RIOX2: variants seen among roughly 807,000 people sequenced by gnomAD.
RIOX2 encodes ribosomal oxygenase 2, also known as 60S ribosomal protein L27a histidine hydroxylase.
In RIOX2, 43 loss-of-function variants were observed where a neutral mutation model predicts 51.2. The ratio of observed to expected loss-of-function variants is 0.84; its 90% CI spans 0.66 to 1.08. RIOX2 has a LOEUF of 1.08. Ranked by LOEUF, RIOX2 falls within the 50% of genes least tolerant of loss-of-function variation. RIOX2 has a pLI of 0.00. For synonymous variants in RIOX2, 226 were observed against 218.5 expected (o/e 1.03, Z -0.30); for missense variants, 566 against 561.7 (o/e 1.01, Z -0.08).
At chr3:97,962,366 C>G (rs956429965) in intron 2 of RIOX2, among the ~76,000 whole-genome samples, 7 of 126,356 alleles carry the variant, frequency 5.5e-5, no homozygotes, top group Non-Finnish European at 8.9e-5. Context: ...ACCCCCCCCC[C>G]CCCCCCCACA....
At chr3:97,965,157 C>A (rs1305452564) in intron 2 of RIOX2, among the ~76,000 whole-genome samples, 1 of 145,216 alleles carries the variant, frequency 6.9e-6, no homozygotes, top group Middle Eastern at 3.4e-3. Flanking sequence ...TAGTGTAAGA[C>A]GGTGAGCTCC....
At chr3:97,952,075 AACAACAT>A in intron 5 of RIOX2, 2 of 866,578 alleles carry the variant, frequency 2.3e-6, no homozygotes, top group African/African-American at 1.7e-5. Context: ...CAACCAAATC[AACAACAT>A]ACAGCAGACC....
intron 1 of RIOX2, among the ~76,000 whole-genome samples, chr3:97,968,117 C>A (rs1191043505): frequency 1.3e-5 from 2 of 152,104 alleles, no homozygotes; most frequent in Non-Finnish European, 2.9e-5. Flanking sequence ...TGCTCCTCAC[C>A]GCAGCACCAC....
rs746891997 is a variant in RIOX2, at chr3:97,943,514, C to T, written c.*1670G>A. 12 of 520,528 alleles carry T rather than the reference C, an allele frequency of 2.3e-5. No homozygotes were observed. The highest frequency in any genetic ancestry group is 3.7e-5 in the Non-Finnish European group (11 of 300,788). The allele number at this position is 520,528 out of a possible 1,614,324, so 32.2% of individuals were successfully genotyped here. On this transcript the variant is annotated 3_prime_UTR_variant, in exon 10 of 10. Transcript: ENST00000394198. ...ATATTCTTGCCATTACTCAGTGTTC[C>T]TATAAAGAAAATATTATGATATCTT...
intron 2 of RIOX2, among the ~76,000 whole-genome samples, chr3:97,965,266 C>T (rs964640317): frequency 6.7e-6 from 1 of 148,874 alleles, no homozygotes; most frequent in African/African-American, 2.5e-5. Context: ...AATCCCAGCA[C>T]TTTGGGAAGC....
chr3:97,950,884 A>G lies in RIOX2; in HGVS notation c.790T>C (p.Trp264Arg), dbSNP rs778859632. Residue 264 changes from tryptophan (W) to arginine (R), a missense_variant, in exon 6 of 10, where the codon TGG becomes CGG. Coordinates refer to ENST00000394198, the MANE Select transcript of RIOX2 (RefSeq NM_153182.4). ...VTISTYQNNS[W>R]GDFLLDTISG... Reference sequence around the variant, plus strand: ...ATGGTATCCAAAAGGAAATCTCCCCATGAACTAGGATATGCACCAAGGGGG... The same window carrying G: ...ATGGTATCCAAAAGGAAATCTCCCCGTGAACTAGGATATGCACCAAGGGGG... 4 of 1,610,564 alleles carry G rather than the reference A, an allele frequency of 2.5e-6. No homozygotes were observed. The highest frequency in any genetic ancestry group is 2.5e-6 in the Non-Finnish European group (3 of 1,177,044).
At position 97,942,751 on chromosome 3, in the gene RIOX2, A is replaced by T; in HGVS notation, c.*2433T>A. The T allele has an allele frequency of 4.1e-6, 1 of 244,496 alleles. No individual in the cohort carries two copies. The highest frequency in any genetic ancestry group is 7.7e-6 in the Non-Finnish European group (1 of 130,408). 15.1% of individuals were successfully genotyped at this position (244,496 alleles called of 1,614,324 possible). ...TGAATGTCATCTGTTTCTTAGAAAC[A>T]TCTCTAGCTTTTTGCCAGGAATTGC... On this transcript the variant is annotated 3_prime_UTR_variant, in exon 10 of 10. Coordinates refer to ENST00000394198, the MANE Select transcript of RIOX2 (RefSeq NM_153182.4).
At chr3:97,963,013 A>G (rs1014855702) in intron 2 of RIOX2, among the ~76,000 whole-genome samples, 5 of 152,254 alleles carry the variant, frequency 3.3e-5, no homozygotes, top group African/African-American at 1.2e-4. Context: ...CTTGCTGAGC[A>G]AACCAATGGC....
intron 4 of RIOX2, among the ~76,000 whole-genome samples, chr3:97,955,813 C>G (rs889956507): frequency 6.6e-6 from 1 of 152,100 alleles, no homozygotes; most frequent in Non-Finnish European, 1.5e-5. Context: ...AGTGTACTAC[C>G]TACATTACAT....
rs41265444 is a variant in RIOX2, at chr3:97,967,175, G to A, written c.419C>T (p.Pro140Leu). ...GAAACTGGTTACCTTAAATCTCTGA[G>A]GTTGGTGAAACTGAATCGTTGCCCT... is the stretch of plus-strand genomic sequence containing the variant. ...QKRATIQFHQ[P>L]QRFKDELWRI... The change falls in exon 2 of 10, where the codon CCT becomes CTT. Residue 140 changes from proline to leucine, a missense_variant. Transcript: ENST00000394198. The A allele has an allele frequency of 0.014, 21,831 of 1,613,574 alleles. 180 individuals are homozygous for A. The highest frequency in any genetic ancestry group is 0.016 in the Non-Finnish European group (18,916 of 1,179,720).
chr3:97,959,754 C>T (rs1011720882), intron 3 of RIOX2, among the ~76,000 whole-genome samples: 6 of 152,026 alleles, frequency 3.9e-5, no homozygotes, highest in African/African-American at 9.7e-5. Context: ...ATAAATGCAT[C>T]AAATATAAAA....
chr3:97,954,513 A>G lies in RIOX2; in HGVS notation c.682-18T>C, dbSNP rs1264380223. On this transcript the variant is annotated intron_variant, in intron 4 of 9. Coordinates refer to ENST00000394198, the MANE Select transcript of RIOX2 (RefSeq NM_153182.4). The stretch of plus-strand genomic sequence containing the variant: ...TCACCCGGCTAAAGGAAGGAATAGG[A>G]AAGGGTAGAGAAGTTAATAAGTATT... 6 of 1,599,820 alleles carry G rather than the reference A, an allele frequency of 3.8e-6. No individual in the cohort carries two copies. The African/African-American group carries it at 8.0e-5, about 21-fold the overall frequency.
At chr3:97,960,005 G>A (rs1035761907) in intron 3 of RIOX2, among the ~76,000 whole-genome samples, 1 of 152,194 alleles carries the variant, frequency 6.6e-6, no homozygotes, top group Non-Finnish European at 1.5e-5. Context: ...GAGCTCAAGT[G>A]TGATGCTAAT....
In RIOX2 at chr3:97,943,353, A is replaced by G; in HGVS notation, c.*1831T>C. 8.5e-7 allele frequency: 1 copy of G among 1,181,186 alleles called. No homozygotes were observed. Among genetic ancestry groups the G allele is most frequent in the Non-Finnish European group, 1.3e-6 (1 of 793,730 alleles). The allele number at this position is 1,181,186 out of a possible 1,614,324, so 73.2% of individuals were successfully genotyped here. A position where few individuals can be genotyped will look rare whatever the true frequency, so the allele number is the denominator to read the frequency against. On this transcript the variant is annotated 3_prime_UTR_variant, in exon 10 of 10. Transcript: ENST00000394198. ...CCTAGAAAGATCCCTAGAAAGAGCA[A>G]AGAAGGAAACACATCTGTCATTGTC...
intron 2 of RIOX2, among the ~76,000 whole-genome samples, chr3:97,964,339 C>T (rs1266626874): frequency 6.6e-6 from 1 of 152,106 alleles, no homozygotes; most frequent in Non-Finnish European, 1.5e-5. Context: ...AAACCCTTAT[C>T]AGCTTGGAAT....
chr3:97,948,966 T>C (rs1705119803), intron 7 of RIOX2, among the ~76,000 whole-genome samples: 1 of 152,196 alleles, frequency 6.6e-6, no homozygotes, highest in Non-Finnish European at 1.5e-5. Context: ...TTATATCATT[T>C]GCAGCCTAAA....
At chr3:97,967,067 C>G in intron 2 of RIOX2, 95 bp downstream of exon 2, 1 of 1,322,646 alleles carries the variant, frequency 7.6e-7, no homozygotes, top group Non-Finnish European at 1.1e-6. Context: ...AGAGACTAAC[C>G]ATCATCAAAC....
At position 97,944,949 on chromosome 3, in the gene RIOX2, A is replaced by C. The variant is rs2040319287; in HGVS notation, c.*235T>G. ...CCTTTTCTACCACACTGGATTAAAT[A>C]AACTTGTCAAAATATGGTTTTGTCA... On this transcript the variant is annotated 3_prime_UTR_variant, in exon 10 of 10. Coordinates refer to ENST00000394198, the MANE Select transcript of RIOX2 (RefSeq NM_153182.4). 2.9e-6 allele frequency: 1 copy of C among 340,446 alleles called. No individual in the cohort carries two copies. The highest frequency in any genetic ancestry group is 4.6e-5 in the Admixed American group (1 of 21,748). The allele number at this position is 340,446 out of a possible 1,614,324, so 21.1% of individuals were successfully genotyped here.
At position 97,970,847 on chromosome 3, in the gene RIOX2, A is replaced by G. The variant is rs559652286; in HGVS notation, c.-40+1534T>C. Among the ~76,000 whole-genome samples the G allele has an allele frequency of 7.9e-5, 12 of 152,360 alleles. No homozygotes were observed. In the South Asian group the frequency reaches 2.3e-3, roughly 29 times the overall value. On this transcript the variant is annotated intron_variant, in intron 1 of 9. Coordinates refer to ENST00000394198, the MANE Select transcript of RIOX2 (RefSeq NM_153182.4). The stretch of plus-strand genomic sequence containing the variant: ...TATAGGCAACAGACAGACAGTCACT[A>G]TATTTTAAAGGTACCCTAACCTCCT...
Sources: allele counts gnomAD v4.1 joint callset (sites outside exome capture counted in the v4.1 genomes callset), GRCh38; gene constraint gnomAD v4.1.1; transcripts MANE v1.5; gene names NCBI Gene and HGNC (gene_info 2026-07-23, HGNC 2026-07-21).